CACHD1: variants seen among roughly 807,000 people sequenced by gnomAD.
CACHD1 encodes VWFA and cache domain-containing protein 1.
CACHD1 carries 71 observed loss-of-function variants against 138.7 expected under a neutral mutation model. The observed-to-expected ratio is 0.51, with a 90% CI of 0.42 to 0.62. The LOEUF (loss-of-function observed/expected upper bound fraction) is 0.62. Among genes scored for constraint, CACHD1 ranks in the 20% least tolerant of loss-of-function variants. The pLI, the probability that CACHD1 is intolerant of heterozygous loss-of-function variation, is 0.00. For synonymous variants in CACHD1, 578 were observed against 591.5 expected (o/e 0.98, Z 0.33); for missense variants, 1,389 against 1,625.3 (o/e 0.85, Z 2.50).
chr1:64,525,943 A>G (rs1246017859), intron 1 of CACHD1, among the ~76,000 whole-genome samples: 1 of 152,192 alleles, frequency 6.6e-6, no homozygotes, highest in Admixed American at 6.5e-5. Context: ...ATTGCTTTTA[A>G]ATGGACAGAT....
At chr1:64,569,758 C>T (rs1231325969) in intron 2 of CACHD1, among the ~76,000 whole-genome samples, 2 of 48,784 alleles carry the variant, frequency 4.1e-5, no homozygotes, top group Non-Finnish European at 6.3e-5. Context: ...GAAGCAGACC[C>T]TTGAAAAAAA....
intron 5 of CACHD1, among the ~76,000 whole-genome samples, chr1:64,630,766 GC>G (rs1169840155): frequency 6.6e-6 from 1 of 152,158 alleles, no homozygotes; most frequent in East Asian, 1.9e-4. Flanking sequence ...TAGATGGCAT[GC>G]TGATTTTAAC....
intron 1 of CACHD1, among the ~76,000 whole-genome samples, chr1:64,541,026 G>A (rs1040304129): frequency 3.9e-5 from 6 of 152,282 alleles, no homozygotes; most frequent in South Asian, 4.1e-4. Context: ...ACGCACATAC[G>A]AATACTTAAA....
chr1:64,568,914 G>T (rs973119332), intron 2 of CACHD1, among the ~76,000 whole-genome samples: 14 of 152,008 alleles, frequency 9.2e-5, no homozygotes, highest in African/African-American at 2.9e-4. Context: ...CAGTTTTTTG[G>T]TTTTTTTGTT....
intron 1 of CACHD1, among the ~76,000 whole-genome samples, chr1:64,483,983 C>G (rs752221395): frequency 1.3e-5 from 2 of 152,002 alleles, no homozygotes; most frequent in African/African-American, 2.4e-5. Flanking sequence ...CTTGCCAACC[C>G]TCTTTGAAAC....
At chr1:64,653,379 A>C (rs1244279887) in intron 10 of CACHD1, among the ~76,000 whole-genome samples, 2 of 143,200 alleles carry the variant, frequency 1.4e-5, no homozygotes, top group Non-Finnish European at 3.0e-5. Context: ...CTGAAGTTAA[A>C]AGAAGTTAAA....
chr1:64,526,886 T>C (rs996087335), intron 1 of CACHD1, among the ~76,000 whole-genome samples: 1 of 152,172 alleles, frequency 6.6e-6, no homozygotes, highest in African/African-American at 2.4e-5. Flanking sequence ...TGCGATTCTT[T>C]CGCAAAACCA....
chr1:64,529,980 AAAC>A (rs528538759), intron 1 of CACHD1, among the ~76,000 whole-genome samples: 58 of 152,346 alleles, frequency 3.8e-4, no homozygotes, highest in African/African-American at 7.9e-4. Context: ...GGCTAGAACA[AAAC>A]AAAAGATGCC....
At chr1:64,589,322 T>C (rs1647078433) in intron 3 of CACHD1, among the ~76,000 whole-genome samples, 1 of 152,148 alleles carries the variant, frequency 6.6e-6, no homozygotes, top group Non-Finnish European at 1.5e-5. Context: ...TCCCATCTTA[T>C]TCAACCTCTT....
chr1:64,597,952 G>A (rs1035668265), intron 3 of CACHD1, among the ~76,000 whole-genome samples: 13 of 152,094 alleles, frequency 8.5e-5, no homozygotes, highest in Admixed American at 2.0e-4. Context: ...CCAAATCAGG[G>A]CGAATAGCAT....
At chr1:64,542,383 G>T (rs998338168) in intron 1 of CACHD1, among the ~76,000 whole-genome samples, 1 of 151,878 alleles carries the variant, frequency 6.6e-6, no homozygotes, top group African/African-American at 2.4e-5. Context: ...ATTTCCCTTT[G>T]TTATACAAAC....
At chr1:64,632,977 T>C (rs1306040200) in intron 6 of CACHD1, among the ~76,000 whole-genome samples, 2 of 152,182 alleles carry the variant, frequency 1.3e-5, no homozygotes. Context: ...TGGAAAATCA[T>C]CTAACACAAA....
At chr1:64,574,672 G>A (rs1013314792) in intron 2 of CACHD1, among the ~76,000 whole-genome samples, 6 of 152,212 alleles carry the variant, frequency 3.9e-5, no homozygotes, top group South Asian at 2.1e-4. Context: ...TTTATTTGGC[G>A]CTTATAATAC....
intron 2 of CACHD1, among the ~76,000 whole-genome samples, chr1:64,552,217 C>G (rs982385853): frequency 6.6e-6 from 1 of 151,598 alleles, no homozygotes; most frequent in Non-Finnish European, 1.5e-5. Context: ...AGTTTAGAAG[C>G]CTTTAACAAT....
intron 13 of CACHD1, among the ~76,000 whole-genome samples, chr1:64,661,609 T>C (rs1333715033): frequency 6.6e-6 from 1 of 152,174 alleles, no homozygotes. Context: ...TTATTCCTTG[T>C]CACTCCAATC....
intron 9 of CACHD1, among the ~76,000 whole-genome samples, chr1:64,650,938 A>C (rs921540935): frequency 4.0e-5 from 6 of 151,858 alleles, no homozygotes; most frequent in African/African-American, 1.5e-4. Context: ...TGATGCATGG[A>C]GAGTCTCATT....
At chr1:64,656,454 G>A (rs1194166030) in intron 12 of CACHD1, among the ~76,000 whole-genome samples, 5 of 152,134 alleles carry the variant, frequency 3.3e-5, no homozygotes, top group Admixed American at 3.3e-4. Context: ...ACAGACTTTT[G>A]TGTTTGAAAT....
chr1:64,677,628 G>A (rs1650040185), intron 22 of CACHD1, among the ~76,000 whole-genome samples: 1 of 152,202 alleles, frequency 6.6e-6, no homozygotes. Context: ...ATTAATTTGG[G>A]ATGTTATACA....
chr1:64,563,958 G>T (rs1646861656), intron 2 of CACHD1: 1 of 152,138 alleles, frequency 6.6e-6, no homozygotes, highest in South Asian at 2.1e-4. Context: ...TTTGTGTTCT[G>T]CTTCCAGATT....
Sources: allele counts gnomAD v4.1 joint callset (sites outside exome capture counted in the v4.1 genomes callset), GRCh38; gene constraint gnomAD v4.1.1; transcripts MANE v1.5; gene names NCBI Gene and HGNC (gene_info 2026-07-23, HGNC 2026-07-21).